Variants in ADAMTS12 observed in about 807,000 individuals in gnomAD.
ADAMTS12 encodes ADAM metallopeptidase with thrombospondin type 1 motif 12.
ADAMTS12 carries 118 observed loss-of-function variants against 167.8 expected under a neutral mutation model. That is an observed-to-expected ratio of 0.70 (90% CI 0.61 to 0.82). The LOEUF is 0.82. Ranked by LOEUF, ADAMTS12 falls within the 40% of genes least tolerant of loss-of-function variation. The pLI, the probability that ADAMTS12 is intolerant of heterozygous loss-of-function variation, is 0.00. For missense variants in ADAMTS12, 1,916 were observed against 1,998.8 expected (o/e 0.96, Z 0.79); for synonymous variants, 704 against 716.9 (o/e 0.98, Z 0.29).
chr5:33,703,590 C>T (rs1033570894), intron 3 of ADAMTS12, among the ~76,000 whole-genome samples: 3 of 152,186 alleles, frequency 2.0e-5, no homozygotes, highest in African/African-American at 7.2e-5. Context: ...AACCACCATA[C>T]TACTCTCTGC....
chr5:33,795,522 G>A (rs1443869942), intron 2 of ADAMTS12, among the ~76,000 whole-genome samples: 2 of 152,150 alleles, frequency 1.3e-5, no homozygotes, highest in African/African-American at 4.8e-5. Context: ...CTGAAACTAG[G>A]AAATAGTCTC....
intron 3 of ADAMTS12, among the ~76,000 whole-genome samples, chr5:33,722,991 T>C (rs997450615): frequency 2.0e-5 from 3 of 152,046 alleles, no homozygotes; most frequent in African/African-American, 7.2e-5. Context: ...AGAGAGTGGG[T>C]ATGAGGATGG....
At chr5:33,561,200 G>A in intron 19 of ADAMTS12, 21 bp from the exon 20 acceptor site, 1 of 1,609,296 alleles carries the variant, frequency 6.2e-7, no homozygotes, top group Non-Finnish European at 8.5e-7. Context: ...GAAGGAGAGA[G>A]ATGACAGAGG....
rs1384590647 is a variant in ADAMTS12 at position 33,570,918 on chromosome 5, G to A, written c.3972+5136C>T. On this transcript the variant is annotated intron_variant, in intron 19 of 23. Transcript: ENST00000504830. ...TGGAGGAAGATCTACCAAGCAAATG[G>A]AAAACAAAAAAGGCAGGGGTTGCAA... Among the ~76,000 whole-genome samples the A allele has an allele frequency of 6.6e-3, 1,003 of 150,954 alleles. 12 individuals carry two copies. Among genetic ancestry groups the A allele is most frequent in the African/African-American group, 0.024 (971 of 41,058 alleles).
rs113828346 is a variant in ADAMTS12 at position 33,526,975 on chromosome 5, A to G, written c.*213T>C. ...GCTGCCTGATTCTCCTAGCTATTTCACCTTCCTATCAGGGAGCAGCAAGTA... is the reference window on the plus strand; with the variant it reads ...GCTGCCTGATTCTCCTAGCTATTTCGCCTTCCTATCAGGGAGCAGCAAGTA... On this transcript the variant is annotated 3_prime_UTR_variant, in exon 24 of 24. Transcript: ENST00000504830. 1 of 560,794 alleles carries G rather than the reference A, an allele frequency of 1.8e-6. No homozygotes were observed. The allele number at this position is 560,794 out of a possible 1,614,324, so 34.7% of individuals were successfully genotyped here.
intron 3 of ADAMTS12, among the ~76,000 whole-genome samples, chr5:33,719,340 T>C (rs1451640143): frequency 2.6e-5 from 4 of 152,152 alleles, no homozygotes; most frequent in African/African-American, 9.7e-5. Flanking sequence ...CAAGAGGTTT[T>C]AGAAGAAGGA....
At chr5:33,831,747 T>C (rs1748308543) in intron 2 of ADAMTS12, among the ~76,000 whole-genome samples, 2 of 152,242 alleles carry the variant, frequency 1.3e-5, no homozygotes. Context: ...GCTGCTTTTT[T>C]ATGATTATTA....
At chr5:33,580,135 C>T (rs1383777784) in intron 18 of ADAMTS12, among the ~76,000 whole-genome samples, 1 of 152,182 alleles carries the variant, frequency 6.6e-6, no homozygotes, top group Non-Finnish European at 1.5e-5. Context: ...TGTGAATTTG[C>T]TCAACCTAAA....
At chr5:33,569,107 G>A (rs1235638714) in intron 19 of ADAMTS12, among the ~76,000 whole-genome samples, 1 of 152,254 alleles carries the variant, frequency 6.6e-6, no homozygotes, top group African/African-American at 2.4e-5. Context: ...CGAACTGGGT[G>A]GAGCCCACCA....
intron 2 of ADAMTS12, among the ~76,000 whole-genome samples, chr5:33,879,535 T>C (rs911837826): frequency 6.6e-6 from 1 of 151,958 alleles, no homozygotes; most frequent in Non-Finnish European, 1.5e-5. Context: ...AGCTGGGAAA[T>C]GTTCTGCAGC....
At position 33,649,681 on chromosome 5, in the gene ADAMTS12, C is replaced by G. The variant is rs752967598; in HGVS notation, c.1207G>C (p.Asp403His). ...GGCTCACAGTCATTTTCTTTCCCAT[C>G]ATGCTGGATGCCGAAGCTGGCAGGG... ...ELGHSFGIQH[D>H]GKENDCEPVG... The change falls in exon 8 of 24, where the codon GAT becomes CAT. Residue 403 changes from aspartate to histidine, a missense_variant. Transcript: ENST00000504830. 1.2e-6 allele frequency: 2 copies of G among 1,613,800 alleles called. No individual in the cohort carries two copies. Among genetic ancestry groups the G allele is most frequent in the South Asian group, 1.1e-5 (1 of 91,048 alleles).
intron 2 of ADAMTS12, among the ~76,000 whole-genome samples, chr5:33,796,595 G>A (rs1746787691): frequency 1.3e-5 from 2 of 152,156 alleles, no homozygotes; most frequent in African/African-American, 2.4e-5. Flanking sequence ...GGGGCCTCAT[G>A]TCTAGTTTTT....
intron 2 of ADAMTS12, among the ~76,000 whole-genome samples, chr5:33,845,124 A>G (rs1223024359): frequency 6.6e-6 from 1 of 152,240 alleles, no homozygotes; most frequent in South Asian, 2.1e-4. Context: ...AGCTGCAAGC[A>G]GGTATTGTGG....
chr5:33,578,801 G>A (rs1308635411), intron 18 of ADAMTS12, among the ~76,000 whole-genome samples: 1 of 152,214 alleles, frequency 6.6e-6, no homozygotes, highest in Non-Finnish European at 1.5e-5. Flanking sequence ...AAAAGCAGAT[G>A]CTGTGAGCAC....
At chr5:33,662,111 C>T in intron 5 of ADAMTS12, 71 bp from the exon 6 acceptor site, 1 of 1,572,296 alleles carries the variant, frequency 6.4e-7, no homozygotes, top group Non-Finnish European at 8.6e-7. Context: ...ATTAGGCATT[C>T]ATCTCCAGAG....
At chr5:33,533,846 C>T (rs1744240092) in intron 23 of ADAMTS12, among the ~76,000 whole-genome samples, 1 of 152,128 alleles carries the variant, frequency 6.6e-6, no homozygotes, top group Non-Finnish European at 1.5e-5. Context: ...CCCTCTTTCC[C>T]AAAGCTCCTG....
chr5:33,844,077 A>G (rs548810816), intron 2 of ADAMTS12, among the ~76,000 whole-genome samples: 15 of 152,256 alleles, frequency 9.9e-5, no homozygotes, highest in Middle Eastern at 3.4e-3. Context: ...CACTTCCCCA[A>G]TCAATACCCT....
At chr5:33,759,326 T>TA (rs1348236464) in intron 2 of ADAMTS12, among the ~76,000 whole-genome samples, 1 of 152,232 alleles carries the variant, frequency 6.6e-6, no homozygotes, top group East Asian at 1.9e-4. Flanking sequence ...GCACATTCTA[T>TA]AGCATAGTCT....
chr5:33,586,846 A>G (rs1747378477), intron 18 of ADAMTS12, among the ~76,000 whole-genome samples: 1 of 152,216 alleles, frequency 6.6e-6, no homozygotes, highest in African/African-American at 2.4e-5. Context: ...GGAATAGCAA[A>G]AAGAATGTAT....
Sources: gnomAD v4.1 joint callset for allele counts (sites outside exome capture counted in the v4.1 genomes callset) on GRCh38, gnomAD v4.1.1 for gene constraint, MANE v1.5 for transcripts, NCBI Gene and HGNC (gene_info 2026-07-23, HGNC 2026-07-21) for gene names.